The following CLIP1 variants were observed in gnomAD, a reference collection of about 807,000 sequenced individuals.
CLIP1 encodes CAP-Gly domain-containing linker protein 1.
A neutral mutation model predicts 161.6 loss-of-function variants in CLIP1; 66 were observed. The ratio of observed to expected loss-of-function variants is 0.41; its 90% CI spans 0.33 to 0.50. The LOEUF is 0.50. CLIP1 is among the 20% of genes least tolerant of loss of function. The probability of loss-of-function intolerance (pLI) is 0.27; values close to 1 mark genes in which losing one functional copy is unlikely to be tolerated. For missense variants in CLIP1, 1,376 were observed against 1,702.0 expected, an observed-to-expected ratio of 0.81 and a Z score of 3.37; for synonymous variants, 598 against 626.2, an observed-to-expected ratio of 0.96 and a Z score of 0.67.
At chr12:122,343,314 G>C (rs1309332111) in intron 10 of CLIP1, 1 of 152,016 alleles carries the variant, frequency 6.6e-6, no homozygotes, top group Non-Finnish European at 1.5e-5. Context: ...TGCATTTTTA[G>C]TAGAGACGGG....
At chr12:122,373,099 T>C (rs1295519861) in intron 3 of CLIP1, among the ~76,000 whole-genome samples, 1 of 152,076 alleles carries the variant, frequency 6.6e-6, no homozygotes, top group Non-Finnish European at 1.5e-5. Context: ...GGTTCCCCAA[T>C]AACCTACGGT....
Position 122,379,943 on chromosome 12 carries a change from T to TAAAAAAAAAAAAAAAAAAAAAAA in CLIP1, c.85+424_85+425insTTTTTTTTTTTTTTTTTTTTTTT, listed in dbSNP as rs1566198620. Among the ~76,000 whole-genome samples, 132 of 70,332 alleles carry TAAAAAAAAAAAAAAAAAAAAAAA rather than the reference T, an allele frequency of 1.9e-3. 22 individuals are homozygous for TAAAAAAAAAAAAAAAAAAAAAAA. In the East Asian group the frequency reaches 0.035, roughly 19 times the overall value. 46.1% of individuals were successfully genotyped at this position (70,332 alleles called of 152,430 possible). On this transcript the variant is annotated intron_variant, in intron 2 of 25. Transcript: ENST00000620786. ...TGGGGAATAGAGCAAGACTCCATCT[T>TAAAAAAAAAAAAAAAAAAAAAAA]TAAAAAAAAAAAAAAAAAATGCAAG...
intron 10 of CLIP1, chr12:122,343,372 A>G (rs148577206): frequency 0.029 from 4,402 of 152,162 alleles, 108 homozygotes; most frequent in Non-Finnish European, 0.046. Flanking sequence ...ACCTCCAGTG[A>G]TCCACCCACC....
At chr12:122,385,372 C>T (rs149922485) in intron 1 of CLIP1, among the ~76,000 whole-genome samples, 2 of 152,266 alleles carry the variant, frequency 1.3e-5, no homozygotes, top group African/African-American at 2.4e-5. Flanking sequence ...GCTGCAGCGA[C>T]GACACTGGAT....
intron 5 of CLIP1, among the ~76,000 whole-genome samples, chr12:122,358,057 G>A (rs11834008): frequency 0.013 from 1,991 of 152,306 alleles, 32 homozygotes; most frequent in African/African-American, 0.043. Flanking sequence ...TGTAGAAAGA[G>A]GTAGACATGG....
At chr12:122,357,658 C>T (rs1344359172) in intron 5 of CLIP1, among the ~76,000 whole-genome samples, 22 of 149,696 alleles carry the variant, frequency 1.5e-4, no homozygotes, top group South Asian at 4.2e-4. Context: ...CCCCTCTGCC[C>T]GGCCAGCCGC....
At chr12:122,399,973 A>G (rs1297241099) in intron 1 of CLIP1, 7 of 152,212 alleles carry the variant, frequency 4.6e-5, no homozygotes, top group Non-Finnish European at 1.0e-4. Context: ...CTATGTTCTC[A>G]TATCATATTC....
chr12:122,310,679 C>G (rs1043409617), intron 19 of CLIP1, among the ~76,000 whole-genome samples: 1 of 152,154 alleles, frequency 6.6e-6, no homozygotes, highest in African/African-American at 2.4e-5. Flanking sequence ...TATTTGATCA[C>G]TAAATCTTAG....
chr12:122,364,078 C>T lies in CLIP1; in HGVS notation c.687G>A (p.Arg229=). The T allele has an allele frequency of 6.2e-7, 1 of 1,614,036 alleles. No homozygotes were observed. Among genetic ancestry groups the T allele is most frequent in the Non-Finnish European group, 8.5e-7 (1 of 1,180,014 alleles). Residue 229 remains arginine (R), a synonymous_variant, in exon 4 of 26, where the codon CGG becomes CGA. Coordinates refer to ENST00000620786, the MANE Select transcript of CLIP1 (RefSeq NM_001247997.2). ...TGGCAAAGTCGGTCTCCCCAAGAAA[C>T]CGGACTACACCAGCCTTAGTGCCAC... ...LVGGTKAGVV[R]FLGETDFAKG... is the part of the protein sequence containing the mutation.
chr12:122,379,944 T>TAAAAAAAAAAAAAAAAAAAA (rs10661606), intron 2 of CLIP1, among the ~76,000 whole-genome samples: 30 of 99,708 alleles, frequency 3.0e-4, no homozygotes, highest in African/African-American at 1.1e-3. Flanking sequence ...ACTCCATCTT[T>TAAAAAAAAAAAAAAAAAAAA]AAAAAAAAAA....
chr12:122,347,381 G>A lies in CLIP1; in HGVS notation c.1500C>T (p.Asp500=), dbSNP rs748966338. The change falls in exon 10 of 26, where the codon GAC becomes GAT. Residue 500 remains aspartate (D), a synonymous_variant. Transcript: ENST00000620786. ...AAATAGTGAAAACCATTACCCTAGT[G>A]TCTTCTAACTCCCTCTGGAGTTTGT... ...KADKLQRELE[D]TRVATVSEKS... is the part of the protein sequence containing the mutation. The A allele has an allele frequency of 5.0e-6, 8 of 1,607,870 alleles. No individual in the cohort carries two copies. Among genetic ancestry groups the A allele is most frequent in the South Asian group, 1.1e-5 (1 of 90,964 alleles).
At chr12:122,392,705 G>C (rs567104219) in intron 1 of CLIP1, among the ~76,000 whole-genome samples, 11 of 152,254 alleles carry the variant, frequency 7.2e-5, no homozygotes, top group African/African-American at 2.6e-4. Context: ...GATCTTGCAA[G>C]GTGAATGTGA....
chr12:122,414,083 T>C (rs1400495811), intron 1 of CLIP1, among the ~76,000 whole-genome samples: 1 of 152,100 alleles, frequency 6.6e-6, no homozygotes, highest in East Asian at 1.9e-4. Flanking sequence ...TATTTTTTAA[T>C]TTTGATTGAA....
At chr12:122,393,083 G>C (rs959972588) in intron 1 of CLIP1, among the ~76,000 whole-genome samples, 1 of 151,564 alleles carries the variant, frequency 6.6e-6, no homozygotes, top group Non-Finnish European at 1.5e-5. Flanking sequence ...CACCCAGCCA[G>C]AAATGTTTTT....
At chr12:122,274,254 G>T in intron 24 of CLIP1, 92 bp from the exon 25 acceptor site, 1 of 1,131,924 alleles carries the variant, frequency 8.8e-7, no homozygotes, top group Non-Finnish European at 1.3e-6. Context: ...TTAAGCTCTG[G>T]CGGCAAAGTG....
chr12:122,300,192 C>T (rs1352868169), intron 20 of CLIP1, among the ~76,000 whole-genome samples: 1 of 152,130 alleles, frequency 6.6e-6, no homozygotes, highest in African/African-American at 2.4e-5. Context: ...ATGGCTTGAG[C>T]CAGGGCAGTA....
intron 1 of CLIP1, among the ~76,000 whole-genome samples, chr12:122,387,740 CCAT>C (rs992749755): frequency 1.2e-4 from 18 of 150,992 alleles, no homozygotes; most frequent in Non-Finnish European, 2.2e-4. Flanking sequence ...GCACACACCA[CCAT>C]GCTTGGCCAA....
chr12:122,273,934 G>A (rs1955284334), intron 25 of CLIP1, 104 bp downstream of exon 25: 2 of 887,492 alleles, frequency 2.3e-6, no homozygotes, highest in East Asian at 2.6e-5. Flanking sequence ...GTTTCATCGT[G>A]TTGGCCAGGC....
At chr12:122,382,168 C>G (rs1955034714) in intron 1 of CLIP1, among the ~76,000 whole-genome samples, 2 of 151,986 alleles carry the variant, frequency 1.3e-5, no homozygotes, top group Admixed American at 1.3e-4. Flanking sequence ...TTGAGACCAG[C>G]CTGACCAACA....
Sources: gnomAD v4.1 joint callset for allele counts (sites outside exome capture counted in the v4.1 genomes callset) on GRCh38, gnomAD v4.1.1 for gene constraint, MANE v1.5 for transcripts, NCBI Gene and HGNC (gene_info 2026-07-23, HGNC 2026-07-21) for gene names.